Variants in NRXN1 observed in about 807,000 individuals in gnomAD.
NRXN1 encodes neurexin-1.
NRXN1 carries 39 observed loss-of-function variants against 150.9 expected under a neutral mutation model. The ratio of observed to expected loss-of-function variants is 0.26; its 90% CI spans 0.20 to 0.34. NRXN1 has a LOEUF of 0.34. Ranked by LOEUF, NRXN1 falls within the 10% of genes least tolerant of loss-of-function variation. NRXN1 has a pLI of 1.00. For synonymous variants in NRXN1, 924 were observed against 757.0 expected (o/e 1.22, Z -3.62); for missense variants, 1,815 against 1,949.9 (o/e 0.93, Z 1.30).
At chr2:50,873,905 C>A (rs1484448717) in intron 5 of NRXN1, among the ~76,000 whole-genome samples, 1 of 151,768 alleles carries the variant, frequency 6.6e-6, no homozygotes, top group Non-Finnish European at 1.5e-5. Flanking sequence ...AAATAAATTG[C>A]TATTAATTAT....
intron 8 of NRXN1, among the ~76,000 whole-genome samples, chr2:50,566,409 AT>A (rs35437819): frequency 0.097 from 12,613 of 129,954 alleles, 727 homozygotes; most frequent in African/African-American, 0.19. Flanking sequence ...ACGCCCAGCT[AT>A]TTTTTTTTTT....
At chr2:50,664,452 C>A (rs142076151) in intron 5 of NRXN1, among the ~76,000 whole-genome samples, 52 of 101,710 alleles carry the variant, frequency 5.1e-4, no homozygotes, top group African/African-American at 1.4e-3. Context: ...GTGGCGGGGG[C>A]GGGTGGGTAG....
At chr2:50,797,958 C>G (rs1012070909) in intron 5 of NRXN1, among the ~76,000 whole-genome samples, 2 of 152,128 alleles carry the variant, frequency 1.3e-5, no homozygotes, top group Admixed American at 6.6e-5. Flanking sequence ...CTTCTCTGCT[C>G]ACATAACTCA....
chr2:50,457,163 CT>C lies in NRXN1; in HGVS notation c.3364+8278del, dbSNP rs147720004. On this transcript the variant is annotated intron_variant, in intron 17 of 22. Coordinates refer to ENST00000401669, the MANE Select transcript of NRXN1 (RefSeq NM_001330078.2). ...AGAGCTGGAAGTTAATGACAGTATG[CT>C]TTTGACAGCTCACTCTGAAATTTTA... Among the ~76,000 whole-genome samples, 561 of 152,240 alleles carry C rather than the reference CT, an allele frequency of 3.7e-3. 3 individuals carry two copies. The highest frequency in any genetic ancestry group is 0.013 in the African/African-American group (535 of 41,550).
chr2:50,040,592 G>A (rs1158160219), intron 21 of NRXN1, among the ~76,000 whole-genome samples: 2 of 152,118 alleles, frequency 1.3e-5, no homozygotes, highest in African/African-American at 4.8e-5. Context: ...ATAAGACTGG[G>A]AGTGATGAGG....
intron 18 of NRXN1, among the ~76,000 whole-genome samples, chr2:50,222,798 T>C (rs1465375578): frequency 2.0e-5 from 3 of 151,854 alleles, no homozygotes; most frequent in Non-Finnish European, 4.4e-5. Flanking sequence ...TAAAGAATGT[T>C]CAGGTATGTT....
At chr2:50,650,043 TC>T (rs1338253999) in intron 5 of NRXN1, among the ~76,000 whole-genome samples, 1 of 152,042 alleles carries the variant, frequency 6.6e-6, no homozygotes, top group African/African-American at 2.4e-5. Context: ...CAATTCCAAT[TC>T]AAAATGCTCT....
chr2:50,205,460 A>G (rs2062499993), intron 18 of NRXN1, among the ~76,000 whole-genome samples: 1 of 152,112 alleles, frequency 6.6e-6, no homozygotes, highest in South Asian at 2.1e-4. Context: ...TTTTCACGGT[A>G]TTCTTCAAAG....
intron 5 of NRXN1, among the ~76,000 whole-genome samples, chr2:50,817,206 G>T (rs1317659058): frequency 2.0e-5 from 3 of 151,860 alleles, no homozygotes; most frequent in African/African-American, 7.3e-5. Flanking sequence ...TGACTTTGAG[G>T]GGATTAAAAG....
At chr2:50,113,266 A>G (rs1702610881) in intron 18 of NRXN1, among the ~76,000 whole-genome samples, 1 of 152,112 alleles carries the variant, frequency 6.6e-6, no homozygotes, top group South Asian at 2.1e-4. Context: ...GATTTTGTAT[A>G]TCCTTATTGC....
chr2:50,219,988 TATATA>T (rs1177651397), intron 18 of NRXN1, among the ~76,000 whole-genome samples: 60 of 100,868 alleles, frequency 5.9e-4, no homozygotes, highest in South Asian at 3.0e-3. Context: ...ATATATATTA[TATATA>T]ATATATATTA....
intron 21 of NRXN1, among the ~76,000 whole-genome samples, chr2:49,959,191 A>G (rs1167074759): frequency 1.3e-5 from 2 of 152,162 alleles, no homozygotes; most frequent in African/African-American, 2.4e-5. Flanking sequence ...ATTTTCCAAG[A>G]TCTATTCAAA....
chr2:50,801,532 T>G (rs967530268), intron 5 of NRXN1, among the ~76,000 whole-genome samples: 25 of 152,234 alleles, frequency 1.6e-4, no homozygotes, highest in African/African-American at 6.0e-4. Context: ...ACTAAAGCAT[T>G]CTATGCTTCC....
chr2:50,717,533 T>C (rs1696025991), intron 5 of NRXN1, among the ~76,000 whole-genome samples: 1 of 152,226 alleles, frequency 6.6e-6, no homozygotes, highest in African/African-American at 2.4e-5. Context: ...CTATGAAGGC[T>C]ATTTTTAAAG....
chr2:50,267,137 T>A (rs2068993941), intron 17 of NRXN1, among the ~76,000 whole-genome samples: 2 of 152,160 alleles, frequency 1.3e-5, no homozygotes, highest in Admixed American at 1.3e-4. Context: ...TATTTCTTTG[T>A]TTAACTGGAG....
rs777961031 is a variant in NRXN1 at position 50,506,626 on chromosome 2, T to C, written c.2375-9A>G. ...AGTCTCGGGACCTTTGCCTGTAGAATATGCCAAACAGTCATTATGGACACT... is the reference window on the plus strand; with the variant it reads ...AGTCTCGGGACCTTTGCCTGTAGAACATGCCAAACAGTCATTATGGACACT... On this transcript the variant is annotated splice_polypyrimidine_tract_variant and intron_variant, in intron 12 of 22. Transcript: ENST00000401669. 5 of 1,612,486 alleles carry C rather than the reference T, an allele frequency of 3.1e-6. No individual in the cohort carries two copies. Among genetic ancestry groups the C allele is most frequent in the East Asian group, 2.2e-5 (1 of 44,828 alleles).
At chr2:50,533,426 T>G (rs1313085393) in intron 10 of NRXN1, among the ~76,000 whole-genome samples, 1 of 152,180 alleles carries the variant, frequency 6.6e-6, no homozygotes, top group Non-Finnish European at 1.5e-5. Context: ...CTTCTCCATC[T>G]CAGTAAACAT....
chr2:50,041,404 C>A (rs985237493), intron 21 of NRXN1, among the ~76,000 whole-genome samples: 4 of 152,134 alleles, frequency 2.6e-5, no homozygotes, highest in African/African-American at 9.7e-5. Context: ...TAAATATCAA[C>A]CTTATGCACA....
At chr2:49,976,440 T>A (rs1184679679) in intron 21 of NRXN1, among the ~76,000 whole-genome samples, 1 of 152,152 alleles carries the variant, frequency 6.6e-6, no homozygotes, top group Non-Finnish European at 1.5e-5. Context: ...ATAGTTTTAT[T>A]AGGTATCATT....
Sources: gnomAD v4.1 joint callset for allele counts (sites outside exome capture counted in the v4.1 genomes callset) on GRCh38, gnomAD v4.1.1 for gene constraint, MANE v1.5 for transcripts, NCBI Gene and HGNC (gene_info 2026-07-23, HGNC 2026-07-21) for gene names.